WDR88: variants seen among roughly 807,000 people sequenced by gnomAD.
WDR88 encodes WD repeat-containing protein 88.
A neutral mutation model predicts 46.8 loss-of-function variants in WDR88; 40 were observed. The observed-to-expected ratio is 0.86, with a 90% CI of 0.66 to 1.11. The LOEUF (loss-of-function observed/expected upper bound fraction) is 1.11. WDR88 is among the 50% of genes most tolerant of loss of function. The probability of loss-of-function intolerance (pLI) is 0.00; values close to 1 mark genes in which losing one functional copy is unlikely to be tolerated. For synonymous variants in WDR88, 235 were observed against 240.7 expected (o/e 0.98, Z 0.22); for missense variants, 562 against 602.4 (o/e 0.93, Z 0.70).
Position 33,154,386 on chromosome 19 carries a change from C to G in WDR88, c.810-1969C>G, listed in dbSNP as rs569436010. 7.3e-4 allele frequency among the ~76,000 whole-genome samples: 111 copies of G among 152,220 alleles called. 1 individual carries two copies. The highest frequency in any genetic ancestry group is 1.3e-3 in the Non-Finnish European group (87 of 68,016). On this transcript the variant is annotated intron_variant, in intron 6 of 10. Transcript: ENST00000355868. ...CTCTCCCTCCACTTGCCTCCCACCC[C>G]CTGACAGGCCTCAGTGTGTGATGTT...
chr19:33,133,198 T>TAA (rs1555723214), intron 1 of WDR88, among the ~76,000 whole-genome samples: 1,454 of 79,810 alleles, frequency 0.018, 44 homozygotes, highest in African/African-American at 0.044. Flanking sequence ...TAAATAAATA[T>TAA]AGAGAGAGAG....
intron 9 of WDR88, among the ~76,000 whole-genome samples, chr19:33,164,478 C>T (rs1007357180): frequency 6.6e-6 from 1 of 152,214 alleles, no homozygotes; most frequent in Non-Finnish European, 1.5e-5. Flanking sequence ...TGTGTCTGTA[C>T]CGTTGACATT....
At chr19:33,158,060 T>C (rs1172878918) in intron 7 of WDR88, among the ~76,000 whole-genome samples, 3 of 151,874 alleles carry the variant, frequency 2.0e-5, no homozygotes, top group Non-Finnish European at 4.4e-5. Context: ...TAAAGGGACA[T>C]AGAGGTGAAT....
intron 2 of WDR88, among the ~76,000 whole-genome samples, chr19:33,142,140 G>A (rs1366544385): frequency 2.6e-5 from 4 of 152,082 alleles, no homozygotes; most frequent in African/African-American, 9.7e-5. Flanking sequence ...AGGGTTATGG[G>A]TTCACCCTCT....
At chr19:33,175,049 ACATGGAGAAACCC>A (rs1383516582) in intron 10 of WDR88, 1 of 959,846 alleles carries the variant, frequency 1.0e-6, no homozygotes, top group Non-Finnish European at 1.2e-6. Flanking sequence ...AGCCTGGCCA[ACATGGAGAAACCC>A]CATCTCTACT....
intron 8 of WDR88, among the ~76,000 whole-genome samples, chr19:33,161,342 G>C (rs764963585): frequency 6.6e-6 from 1 of 152,106 alleles, no homozygotes; most frequent in East Asian, 1.9e-4. Flanking sequence ...TCTATGATAC[G>C]GGGATGTGTT....
chr19:33,144,962 G>A (rs1425267263), intron 3 of WDR88, 30 bp downstream of exon 3: 3 of 1,599,140 alleles, frequency 1.9e-6, no homozygotes, highest in African/African-American at 1.3e-5. Context: ...ACACTGGGAA[G>A]AGGGAGGGTG....
Position 33,156,506 on chromosome 19 carries a change from G to A in WDR88, c.961G>A (p.Glu321Lys). ...CTGTGTGACTCTGATGCAGGGCCAT[G>A]AAGGTTCTGTCAGTTCCTGTCACTT... ...GACVTLMQGHEGSVSSCHFAR... is the reference protein window; with the variant it reads ...GACVTLMQGHKGSVSSCHFAR... Residue 321 changes from glutamate (E) to lysine (K), a missense_variant, in exon 7 of 11, where the codon GAA becomes AAA. Glu to Lys is a moderately conservative substitution (Grantham distance 56). Coordinates refer to ENST00000355868, the MANE Select transcript of WDR88 (RefSeq NM_173479.4). 2 of 1,614,130 alleles carry A rather than the reference G, an allele frequency of 1.2e-6. No homozygotes were observed. The highest frequency in any genetic ancestry group is 1.7e-6 in the Non-Finnish European group (2 of 1,180,004).
At chr19:33,133,196 TATAG>T (rs1477078575) in intron 1 of WDR88, among the ~76,000 whole-genome samples, 1 of 61,808 alleles carries the variant, frequency 1.6e-5, no homozygotes, top group Non-Finnish European at 6.0e-5. Context: ...AATAAATAAA[TATAG>T]AGAGAGAGAG....
intron 9 of WDR88, among the ~76,000 whole-genome samples, chr19:33,166,282 CAAA>C (rs34053341): frequency 4.0e-3 from 224 of 55,544 alleles, no homozygotes; most frequent in African/African-American, 8.8e-3. Context: ...GTTGTGGTCT[CAAA>C]AAAAAAAAAA....
At chr19:33,143,814 A>C (rs1973453138) in intron 2 of WDR88, among the ~76,000 whole-genome samples, 1 of 152,164 alleles carries the variant, frequency 6.6e-6, no homozygotes, top group Admixed American at 6.6e-5. Flanking sequence ...CTTCTCCACG[A>C]ACATCCACAT....
At chr19:33,162,505 G>A (rs1181101536) in intron 8 of WDR88, among the ~76,000 whole-genome samples, 1 of 151,556 alleles carries the variant, frequency 6.6e-6, no homozygotes, top group Non-Finnish European at 1.5e-5. Flanking sequence ...GGAGCACCGC[G>A]CCCGGCCTGC....
intron 6 of WDR88, 124 bp from the exon 7 acceptor site, chr19:33,156,231 C>A (rs201161063): frequency 1.1e-6 from 1 of 930,290 alleles, no homozygotes. Context: ...CCTCTTGGGG[C>A]GAAGTGCTAG....
intron 1 of WDR88, among the ~76,000 whole-genome samples, chr19:33,133,004 A>C (rs1973162428): frequency 6.6e-6 from 1 of 151,756 alleles, no homozygotes; most frequent in Non-Finnish European, 1.5e-5. Flanking sequence ...TACAAGAAAT[A>C]AACTTAGCCC....
Position 33,175,790 on chromosome 19 carries a change from C to T in WDR88, c.*218C>T, listed in dbSNP as rs2145433767. The stretch of plus-strand genomic sequence containing the variant: ...TTTTCATGCAGAATAAATCTAATTC[C>T]TTTGGAAAACAAGCGTGCATGTGCA... On this transcript the variant is annotated 3_prime_UTR_variant, in exon 11 of 11. Coordinates refer to ENST00000355868, the MANE Select transcript of WDR88 (RefSeq NM_173479.4). The T allele has an allele frequency of 1.8e-6, 1 of 557,966 alleles. No homozygotes were observed. 34.6% of individuals were successfully genotyped at this position (557,966 alleles called of 1,614,324 possible). A position where few individuals can be genotyped will look rare whatever the true frequency, so the allele number is the denominator to read the frequency against.
At chr19:33,143,747 A>G (rs1973451305) in intron 2 of WDR88, among the ~76,000 whole-genome samples, 1 of 152,144 alleles carries the variant, frequency 6.6e-6, no homozygotes, top group African/African-American at 2.4e-5. Context: ...AAAAAAACTC[A>G]TCTTTCCATG....
chr19:33,143,604 C>T (rs943248905), intron 2 of WDR88, among the ~76,000 whole-genome samples: 1 of 150,084 alleles, frequency 6.7e-6, no homozygotes, highest in East Asian at 2.0e-4. Flanking sequence ...GTGTTCTTGC[C>T]ACTGCACTCC....
chr19:33,141,227 G>GTTTTTTTTTTTTTTTTTTTTTTT lies in WDR88; in HGVS notation c.387+3453_387+3454insTTTTTTTTTTTTTTTTTTTTTTT, dbSNP rs745987290. On this transcript the variant is annotated intron_variant, in intron 2 of 10. Coordinates refer to ENST00000355868, the MANE Select transcript of WDR88 (RefSeq NM_173479.4). ...GCTGGGATTACAGGTGTGGGAGCAT[G>GTTTTTTTTTTTTTTTTTTTTTTT]TTTTTTTTTTTTTCTTTTTTGACAC... Among the ~76,000 whole-genome samples, 39 of 113,394 alleles carry GTTTTTTTTTTTTTTTTTTTTTTT rather than the reference G, an allele frequency of 3.4e-4. 10 individuals carry two copies. Among genetic ancestry groups the GTTTTTTTTTTTTTTTTTTTTTTT allele is most frequent in the African/African-American group, 1.4e-3 (35 of 24,458 alleles). The allele number at this position is 113,394 out of a possible 152,430, so 74.4% of individuals were successfully genotyped here. A position where few individuals can be genotyped will look rare whatever the true frequency, so the allele number is the denominator to read the frequency against.
chr19:33,159,335 A>AAAAT (rs71176202), intron 7 of WDR88, among the ~76,000 whole-genome samples: 10,118 of 142,672 alleles, frequency 0.071, 428 homozygotes, highest in East Asian at 0.12. Context: ...CTTATCTCTA[A>AAAAT]AAATAAATAA....
Sources: allele counts gnomAD v4.1 joint callset (sites outside exome capture counted in the v4.1 genomes callset), GRCh38; gene constraint gnomAD v4.1.1; transcripts MANE v1.5; gene names NCBI Gene and HGNC (gene_info 2026-07-23, HGNC 2026-07-21).